SLC9C1: variants seen among roughly 807,000 people sequenced by gnomAD.
The protein encoded by SLC9C1 is solute carrier family 9 member C1.
SLC9C1 carries 97 observed loss-of-function variants against 140.9 expected under a neutral mutation model. The observed-to-expected ratio is 0.69, with a 90% CI of 0.58 to 0.82. The LOEUF (loss-of-function observed/expected upper bound fraction) is 0.82. Among genes scored for constraint, SLC9C1 ranks in the 40% least tolerant of loss-of-function variants. The pLI is 0.00. For missense variants in SLC9C1, 1,340 were observed against 1,389.3 expected, an observed-to-expected ratio of 0.96 and a Z score of 0.56; for synonymous variants, 440 against 442.6, an observed-to-expected ratio of 0.99 and a Z score of 0.07.
At chr3:112,255,740 CGAG>C (rs895767766) in intron 10 of SLC9C1, among the ~76,000 whole-genome samples, 6 of 151,828 alleles carry the variant, frequency 4.0e-5, no homozygotes, top group Non-Finnish European at 8.8e-5. Flanking sequence ...AGAGCTGAAC[CGAG>C]GAGATCAAAA....
chr3:112,243,223 T>A (rs1048459677), intron 11 of SLC9C1, among the ~76,000 whole-genome samples: 1 of 152,210 alleles, frequency 6.6e-6, no homozygotes, highest in Non-Finnish European at 1.5e-5. Flanking sequence ...TGTATGTTCA[T>A]CACAGCATTA....
At chr3:112,142,002 A>C (rs934782318) in intron 28 of SLC9C1, among the ~76,000 whole-genome samples, 1 of 152,184 alleles carries the variant, frequency 6.6e-6, no homozygotes, top group Non-Finnish European at 1.5e-5. Context: ...GTTGTTAGAC[A>C]CTTGGGCTCT....
intron 10 of SLC9C1, among the ~76,000 whole-genome samples, chr3:112,252,720 C>T (rs1346089173): frequency 1.3e-5 from 2 of 152,064 alleles, no homozygotes; most frequent in African/African-American, 4.8e-5. Flanking sequence ...CCATTGTTGC[C>T]TTCAGGCTTT....
intron 14 of SLC9C1, among the ~76,000 whole-genome samples, chr3:112,218,039 C>T (rs943234342): frequency 6.6e-6 from 1 of 152,160 alleles, no homozygotes; most frequent in Non-Finnish European, 1.5e-5. Context: ...TCTTTGTCTT[C>T]ACCTTCAAAG....
In SLC9C1 at chr3:112,150,793, CATATAT is replaced by C. The variant is rs1234813804; in HGVS notation, c.3524+1058_3524+1063del. ...ACATATATATATATAAATACATATA[CATATAT>C]ATATATATATAAATACATATACATA... is the stretch of plus-strand genomic sequence containing the variant. On this transcript the variant is annotated intron_variant, in intron 28 of 28. Coordinates refer to ENST00000305815, the MANE Select transcript of SLC9C1 (RefSeq NM_183061.3). 1.6e-4 allele frequency among the ~76,000 whole-genome samples: 9 copies of C among 56,872 alleles called. No homozygotes were observed. The East Asian group carries it at 0.012, about 78-fold the overall frequency. The allele number at this position is 56,872 out of a possible 152,430, so 37.3% of individuals were successfully genotyped here.
At chr3:112,242,270 T>G (rs140502469) in intron 11 of SLC9C1, among the ~76,000 whole-genome samples, 7 of 152,072 alleles carry the variant, frequency 4.6e-5, no homozygotes, top group Non-Finnish European at 1.0e-4. Flanking sequence ...CATTTAAAAA[T>G]TGGCAAAGGT....
intron 26 of SLC9C1, among the ~76,000 whole-genome samples, chr3:112,159,293 G>A (rs549836677): frequency 3.3e-5 from 5 of 151,348 alleles, no homozygotes; most frequent in African/African-American, 9.7e-5. Context: ...TAAATTTCAC[G>A]TATTTAAAAA....
chr3:112,219,740 G>A (rs2895391), intron 14 of SLC9C1, among the ~76,000 whole-genome samples: 114,615 of 151,802 alleles, frequency 0.76, 43,680 homozygotes, highest in East Asian at 0.99. Flanking sequence ...CAGCGTGCCT[G>A]GCTAATTTTT....
chr3:112,251,274 A>T (rs2079449565), intron 10 of SLC9C1, among the ~76,000 whole-genome samples: 1 of 152,086 alleles, frequency 6.6e-6, no homozygotes, highest in South Asian at 2.1e-4. Context: ...AGTGACACAG[A>T]GTCAGGGGAG....
chr3:112,221,732 TATA>T (rs1197755766), intron 13 of SLC9C1, among the ~76,000 whole-genome samples: 3 of 152,154 alleles, frequency 2.0e-5, no homozygotes, highest in African/African-American at 7.2e-5. Context: ...TAAGGAGTAT[TATA>T]ATAACAGATT....
intron 2 of SLC9C1, among the ~76,000 whole-genome samples, chr3:112,282,982 C>G (rs1335774033): frequency 6.6e-6 from 1 of 152,110 alleles, no homozygotes; most frequent in East Asian, 1.9e-4. Flanking sequence ...TAGCCCTTAA[C>G]AAACAAATTT....
chr3:112,215,305 G>A (rs1273550720), intron 15 of SLC9C1, among the ~76,000 whole-genome samples: 2 of 152,178 alleles, frequency 1.3e-5, no homozygotes, highest in African/African-American at 4.8e-5. Context: ...GCACAAGACA[G>A]GGATGCCCTC....
rs1302011133 is a variant in SLC9C1, at chr3:112,231,498, AT to A, written c.1447-13del. 6.9e-6 allele frequency: 11 copies of A among 1,593,612 alleles called. No individual in the cohort carries two copies. Among genetic ancestry groups the A allele is most frequent in the Non-Finnish European group, 9.4e-6 (11 of 1,168,914 alleles). On this transcript the variant is annotated splice_polypyrimidine_tract_variant and intron_variant, in intron 12 of 28. Coordinates refer to ENST00000305815, the MANE Select transcript of SLC9C1 (RefSeq NM_183061.3). ...TCTTCTTCGTTCAACTAAATAAAAC[AT>A]AAATAAAAGAACAAAAAATACATGA...
At chr3:112,270,271 T>G (rs2080035511) in intron 6 of SLC9C1, among the ~76,000 whole-genome samples, 194 bp from the exon 7 acceptor site, 1 of 152,238 alleles carries the variant, frequency 6.6e-6, no homozygotes, top group African/African-American at 2.4e-5. Flanking sequence ...GTAGGATTAC[T>G]GGACCATATG....
chr3:112,192,216 C>T (rs931315302), intron 20 of SLC9C1, among the ~76,000 whole-genome samples: 1 of 152,160 alleles, frequency 6.6e-6, no homozygotes, highest in African/African-American at 2.4e-5. Flanking sequence ...GAATTCTTTT[C>T]ATCTTGCACA....
At chr3:112,181,432 T>C (rs1273143534) in intron 21 of SLC9C1, among the ~76,000 whole-genome samples, 2 of 152,214 alleles carry the variant, frequency 1.3e-5, no homozygotes. Context: ...TCTTTTGACA[T>C]CAAATAGATA....
At chr3:112,284,990 T>C (rs983507837) in intron 2 of SLC9C1, among the ~76,000 whole-genome samples, 15 of 137,170 alleles carry the variant, frequency 1.1e-4, no homozygotes, top group African/African-American at 3.2e-4. Flanking sequence ...TTTTTCTTTT[T>C]TTTTTTTTTT....
chr3:112,237,355 C>A (rs1219036924), intron 12 of SLC9C1, among the ~76,000 whole-genome samples: 1 of 148,510 alleles, frequency 6.7e-6, no homozygotes, highest in Non-Finnish European at 1.5e-5. Context: ...AGCCTATGTG[C>A]ACGTGAGATG....
At chr3:112,276,368 A>ATG (rs751862220) in intron 5 of SLC9C1, among the ~76,000 whole-genome samples, 2 of 139,852 alleles carry the variant, frequency 1.4e-5, no homozygotes, top group African/African-American at 2.5e-5. Flanking sequence ...TTTTTCAAGT[A>ATG]TATATATATA....
Sources: allele counts gnomAD v4.1 joint callset (sites outside exome capture counted in the v4.1 genomes callset), GRCh38; gene constraint gnomAD v4.1.1; transcripts MANE v1.5; gene names NCBI Gene and HGNC (gene_info 2026-07-23, HGNC 2026-07-21).